FGF7: variants seen among roughly 807,000 people sequenced by gnomAD.
FGF7 encodes FGF-7.
A neutral mutation model predicts 20.5 loss-of-function variants in FGF7; 6 were observed. The ratio of observed to expected loss-of-function variants is 0.29; its 90% CI spans 0.16 to 0.58. The LOEUF (loss-of-function observed/expected upper bound fraction) is 0.58. Among genes scored for constraint, FGF7 ranks in the 20% least tolerant of loss-of-function variants. FGF7 has a pLI of 0.90. For synonymous variants in FGF7, 64 were observed against 74.7 expected (o/e 0.86, Z 0.74); for missense variants, 144 against 228.8 (o/e 0.63, Z 2.39).
chr15:49,442,569 C>T (rs954817048), intron 2 of FGF7, among the ~76,000 whole-genome samples: 38 of 151,714 alleles, frequency 2.5e-4, no homozygotes, highest in African/African-American at 9.2e-4. Flanking sequence ...GTCACTCTCT[C>T]CCCTTTCCTT....
chr15:49,466,651 A>G (rs969887313), intron 2 of FGF7, among the ~76,000 whole-genome samples: 3 of 152,178 alleles, frequency 2.0e-5, no homozygotes, highest in African/African-American at 7.2e-5. Flanking sequence ...AGAAACTATA[A>G]TAATAGTTGA....
At chr15:49,478,394 TA>T (rs1354209453) in intron 2 of FGF7, among the ~76,000 whole-genome samples, 3 of 152,124 alleles carry the variant, frequency 2.0e-5, no homozygotes, top group African/African-American at 7.2e-5. Context: ...TATATTGATA[TA>T]TTTTTTGCAT....
At chr15:49,436,123 C>T (rs549931440) in intron 2 of FGF7, among the ~76,000 whole-genome samples, 69 of 151,636 alleles carry the variant, frequency 4.6e-4, no homozygotes, top group South Asian at 1.7e-3. Context: ...TAAATTCTAA[C>T]TGTTTTAAAA....
chr15:49,460,602 G>A (rs2053705132), intron 2 of FGF7, among the ~76,000 whole-genome samples: 1 of 152,126 alleles, frequency 6.6e-6, no homozygotes, highest in Admixed American at 6.5e-5. Flanking sequence ...TCCCAAAAAT[G>A]TTCTAGCAAC....
At chr15:49,476,341 G>T (rs2055319330) in intron 2 of FGF7, among the ~76,000 whole-genome samples, 2 of 150,508 alleles carry the variant, frequency 1.3e-5, no homozygotes, top group Admixed American at 6.6e-5. Flanking sequence ...TTAATATCCA[G>T]ATAGGATATC....
At chr15:49,425,958 ATAAT>A (rs1279912018) in intron 2 of FGF7, among the ~76,000 whole-genome samples, 3 of 151,670 alleles carry the variant, frequency 2.0e-5, no homozygotes, top group Non-Finnish European at 4.4e-5. Context: ...AATTTGGCTT[ATAAT>A]TAATTTATTT....
At chr15:49,483,097 A>T in intron 2 of FGF7, 54 bp from the exon 3 acceptor site, 1 of 970,966 alleles carries the variant, frequency 1.0e-6, no homozygotes, top group East Asian at 2.4e-5. Flanking sequence ...CCATTCGTGG[A>T]TCATTTGCAA....
In FGF7 at chr15:49,455,843, A is replaced by G. The variant is rs183304972; in HGVS notation, c.287-27308A>G. Reference sequence around the variant, plus strand: ...TATCACTATTGGGTATTATTGAACCATGGCTTTTTTCTTTTTTTTCTTTTT... The same window carrying G: ...TATCACTATTGGGTATTATTGAACCGTGGCTTTTTTCTTTTTTTTCTTTTT... On this transcript the variant is annotated intron_variant, in intron 2 of 3. Coordinates refer to ENST00000267843, the MANE Select transcript of FGF7 (RefSeq NM_002009.4). Among the ~76,000 whole-genome samples, 81 of 152,238 alleles carry G rather than the reference A, an allele frequency of 5.3e-4. 1 individual carries two copies. Among genetic ancestry groups the G allele is most frequent in the African/African-American group, 1.9e-3 (79 of 41,560 alleles).
In FGF7 at chr15:49,424,219, T is replaced by C. The variant is rs961744990; in HGVS notation, c.-79T>C. On this transcript the variant is annotated 5_prime_UTR_variant, in exon 2 of 4. Coordinates refer to ENST00000267843, the MANE Select transcript of FGF7 (RefSeq NM_002009.4). ...TCTACAATTCACAGATAGGAAGAGGTCAATGACCTAGGAGTAACAATCAAC... is the reference window on the plus strand; with the variant it reads ...TCTACAATTCACAGATAGGAAGAGGCCAATGACCTAGGAGTAACAATCAAC... 3 of 1,278,970 alleles carry C rather than the reference T, an allele frequency of 2.3e-6. No homozygotes were observed. Among genetic ancestry groups the C allele is most frequent in the Non-Finnish European group, 3.3e-6 (3 of 900,958 alleles). 79.2% of individuals were successfully genotyped at this position (1,278,970 alleles called of 1,614,324 possible).
chr15:49,455,836 T>C (rs906472591), intron 2 of FGF7, among the ~76,000 whole-genome samples: 6 of 152,186 alleles, frequency 3.9e-5, no homozygotes, highest in African/African-American at 1.4e-4. Context: ...TTGGGTATTA[T>C]TGAACCATGG....
At chr15:49,444,762 A>T (rs2052023927) in intron 2 of FGF7, among the ~76,000 whole-genome samples, 1 of 151,608 alleles carries the variant, frequency 6.6e-6, no homozygotes, top group South Asian at 2.1e-4. Context: ...CTTTTTAAAT[A>T]CTCTGCATGA....
intron 2 of FGF7, among the ~76,000 whole-genome samples, chr15:49,441,656 C>T (rs1005858080): frequency 6.6e-6 from 1 of 151,774 alleles, no homozygotes; most frequent in Non-Finnish European, 1.5e-5. Flanking sequence ...AGGGGCTCCA[C>T]ATCATTTCAT....
chr15:49,454,265 C>T (rs768831974), intron 2 of FGF7, among the ~76,000 whole-genome samples: 7 of 152,110 alleles, frequency 4.6e-5, no homozygotes, highest in African/African-American at 9.7e-5. Flanking sequence ...CCAGAAGTTT[C>T]ATAGGGGGCA....
intron 2 of FGF7, among the ~76,000 whole-genome samples, chr15:49,429,588 A>T (rs547442410): frequency 1.3e-5 from 2 of 152,052 alleles, no homozygotes; most frequent in East Asian, 3.9e-4. Context: ...CAGCTCTTAG[A>T]TATATTGAAA....
chr15:49,462,054 G>A (rs1597354090), intron 2 of FGF7, among the ~76,000 whole-genome samples: 1 of 152,040 alleles, frequency 6.6e-6, no homozygotes, highest in African/African-American at 2.4e-5. Flanking sequence ...GGCAGGTGGC[G>A]GTTGCAGTGA....
At chr15:49,440,845 A>G (rs192736110) in intron 2 of FGF7, among the ~76,000 whole-genome samples, 18 of 151,868 alleles carry the variant, frequency 1.2e-4, no homozygotes, top group Admixed American at 1.2e-3. Flanking sequence ...TAACATTCTG[A>G]AGTTGATTAC....
chr15:49,471,512 A>AAT (rs1489087779), intron 2 of FGF7, among the ~76,000 whole-genome samples: 1 of 148,032 alleles, frequency 6.8e-6, no homozygotes, highest in East Asian at 2.0e-4. Flanking sequence ...TAATAATAAT[A>AAT]ATAATAATAA....
chr15:49,444,746 C>A (rs1196825198), intron 2 of FGF7, among the ~76,000 whole-genome samples: 1 of 151,624 alleles, frequency 6.6e-6, no homozygotes, highest in Non-Finnish European at 1.5e-5. Context: ...TTGCAAATAT[C>A]TCCAGCTTTT....
At chr15:49,428,969 G>A (rs777241599) in intron 2 of FGF7, among the ~76,000 whole-genome samples, 2 of 151,954 alleles carry the variant, frequency 1.3e-5, no homozygotes, top group Non-Finnish European at 2.9e-5. Context: ...AACCTTCAGC[G>A]ACTCATTTGT....
Sources: allele counts gnomAD v4.1 joint callset (sites outside exome capture counted in the v4.1 genomes callset), GRCh38; gene constraint gnomAD v4.1.1; transcripts MANE v1.5; gene names NCBI Gene and HGNC (gene_info 2026-07-23, HGNC 2026-07-21).